The following PLCB1 variants were observed in gnomAD, a reference collection of about 807,000 sequenced individuals.
PLCB1 encodes phospholipase C beta 1, also known as 1-phosphatidylinositol 4,5-bisphosphate phosphodiesterase beta-1.
PLCB1 carries 46 observed loss-of-function variants against 161.8 expected under a neutral mutation model. That is an observed-to-expected ratio of 0.28 (90% CI 0.22 to 0.36). The LOEUF (loss-of-function observed/expected upper bound fraction) is 0.36, where lower values mean the gene tolerates loss of function less well. Among genes scored for constraint, PLCB1 ranks in the 10% least tolerant of loss-of-function variants. The pLI, the probability that PLCB1 is intolerant of heterozygous loss-of-function variation, is 1.00. For synonymous variants in PLCB1, 517 were observed against 503.7 expected, an observed-to-expected ratio of 1.03 and a Z score of -0.35; for missense variants, 1,016 against 1,472.5, an observed-to-expected ratio of 0.69 and a Z score of 5.07.
chr20:8,192,401 A>G (rs1294930834), intron 2 of PLCB1, among the ~76,000 whole-genome samples: 1 of 152,038 alleles, frequency 6.6e-6, no homozygotes, highest in Admixed American at 6.6e-5. Flanking sequence ...AACACTAAAG[A>G]ACAACATAAA....
chr20:8,883,878 A>G lies in PLCB1; in HGVS notation c.*2029A>G, dbSNP rs1988083453. 1.3e-5 allele frequency: 2 copies of G among 152,542 alleles called. No individual in the cohort carries two copies. The allele number at this position is 152,542 out of a possible 1,614,324, so 9.4% of individuals were successfully genotyped here. A position where few individuals can be genotyped will look rare whatever the true frequency, so the allele number is the denominator to read the frequency against. ...CTTTGAAAGAAAGGCGTTAATCATA[A>G]AGAAGCAAGAATGGTCAAAATCGAA... On this transcript the variant is annotated 3_prime_UTR_variant, in exon 32 of 32. Coordinates refer to ENST00000338037, the MANE Select transcript of PLCB1 (RefSeq NM_015192.4).
At chr20:8,256,074 T>C (rs1224136795) in intron 2 of PLCB1, among the ~76,000 whole-genome samples, 1 of 152,154 alleles carries the variant, frequency 6.6e-6, no homozygotes, top group Non-Finnish European at 1.5e-5. Context: ...TCTAGGTTTG[T>C]GTAAATACAC....
chr20:8,680,455 C>T (rs1990185388), intron 9 of PLCB1, among the ~76,000 whole-genome samples: 1 of 152,162 alleles, frequency 6.6e-6, no homozygotes, highest in Non-Finnish European at 1.5e-5. Context: ...ATTTTATTGG[C>T]TTTCCTTGAC....
chr20:8,624,373 A>G (rs62198915), intron 3 of PLCB1, among the ~76,000 whole-genome samples: 20,138 of 152,246 alleles, frequency 0.13, 1,646 homozygotes, highest in Non-Finnish European at 0.17. Flanking sequence ...TGAGTAAGGT[A>G]TATCTTCTGC....
chr20:8,463,760 A>T (rs1222441551), intron 3 of PLCB1, among the ~76,000 whole-genome samples: 1 of 152,186 alleles, frequency 6.6e-6, no homozygotes, highest in Non-Finnish European at 1.5e-5. Context: ...ATTCTCTTGA[A>T]TGATAAAATA....
intron 2 of PLCB1, among the ~76,000 whole-genome samples, chr20:8,231,936 A>G (rs1392012451): frequency 6.6e-6 from 1 of 152,166 alleles, no homozygotes; most frequent in Non-Finnish European, 1.5e-5. Context: ...AAATAGCTCT[A>G]TCTTATGTAA....
intron 3 of PLCB1, among the ~76,000 whole-genome samples, chr20:8,561,001 T>C (rs1986123016): frequency 6.6e-6 from 1 of 151,928 alleles, no homozygotes. Flanking sequence ...GTCAGCAGAA[T>C]TAAACTGCTC....
chr20:8,702,064 G>T (rs182372527), intron 11 of PLCB1, among the ~76,000 whole-genome samples: 1 of 152,166 alleles, frequency 6.6e-6, no homozygotes, highest in Non-Finnish European at 1.5e-5. Flanking sequence ...AAGCTTCTGT[G>T]TGATAGATCC....
intron 3 of PLCB1, among the ~76,000 whole-genome samples, chr20:8,542,271 A>C (rs1211119909): frequency 6.6e-6 from 1 of 152,150 alleles, no homozygotes; most frequent in Non-Finnish European, 1.5e-5. Context: ...CCTTTGTCTA[A>C]GCAGAAAGGG....
chr20:8,154,229 T>G lies in PLCB1; in HGVS notation c.177+3858T>G, dbSNP rs184546455. The stretch of plus-strand genomic sequence containing the variant: ...AGTTAGTACATGTGTGTCTATATCA[T>G]TCCGTTAAATTGGCCTATCTTAGGG... On this transcript the variant is annotated intron_variant, in intron 2 of 31. Coordinates refer to ENST00000338037, the MANE Select transcript of PLCB1 (RefSeq NM_015192.4). Among the ~76,000 whole-genome samples the G allele has an allele frequency of 1.1e-4, 17 of 152,324 alleles. No homozygotes were observed. The East Asian group carries it at 2.7e-3, about 24-fold the overall frequency.
Position 8,861,177 on chromosome 20 carries a change from G to A in PLCB1, c.3424-20445G>A, listed in dbSNP as rs562422265. 3.5e-4 allele frequency among the ~76,000 whole-genome samples: 53 copies of A among 152,204 alleles called. 1 individual carries two copies. The highest frequency in any genetic ancestry group is 1.2e-3 in the African/African-American group (49 of 41,516). ...CAGGTTATATGTCTTGATAAGTGGCGTTTCTACTTAAAAAATGTTGGTTGT... is the reference window on the plus strand; with the variant it reads ...CAGGTTATATGTCTTGATAAGTGGCATTTCTACTTAAAAAATGTTGGTTGT... On this transcript the variant is annotated intron_variant, in intron 31 of 31. Transcript: ENST00000338037.
intron 3 of PLCB1, among the ~76,000 whole-genome samples, chr20:8,511,591 A>G (rs1983895798): frequency 1.3e-5 from 2 of 152,154 alleles, no homozygotes; most frequent in Non-Finnish European, 2.9e-5. Flanking sequence ...TTTGAGGCAT[A>G]TCTATACTGT....
At chr20:8,171,495 A>G (rs949443790) in intron 2 of PLCB1, among the ~76,000 whole-genome samples, 1 of 152,068 alleles carries the variant, frequency 6.6e-6, no homozygotes, top group Non-Finnish European at 1.5e-5. Context: ...TCTGAACCCC[A>G]TCTGCCTGGG....
At chr20:8,371,756 T>C (rs1986911749) in intron 3 of PLCB1, 1 of 268,232 alleles carries the variant, frequency 3.7e-6, no homozygotes, top group African/African-American at 2.2e-5. Context: ...TTGAAATTAT[T>C]TGAAAAAATC....
intron 8 of PLCB1, among the ~76,000 whole-genome samples, 189 bp from the exon 9 acceptor site, chr20:8,658,349 A>G (rs995943000): frequency 3.3e-5 from 5 of 152,178 alleles, no homozygotes; most frequent in Admixed American, 6.6e-5. Context: ...CAATTGCACA[A>G]GATATTTGTA....
intron 31 of PLCB1, among the ~76,000 whole-genome samples, chr20:8,847,739 A>G (rs1986737779): frequency 6.6e-6 from 1 of 152,174 alleles, no homozygotes; most frequent in African/African-American, 2.4e-5. Flanking sequence ...ATAATTTACT[A>G]GAACAGCTCA....
At chr20:8,224,250 C>A (rs1451060699) in intron 2 of PLCB1, among the ~76,000 whole-genome samples, 1 of 152,070 alleles carries the variant, frequency 6.6e-6, no homozygotes, top group Non-Finnish European at 1.5e-5. Context: ...TTCTTAGCCA[C>A]CATTTCTTTT....
At chr20:8,778,091 A>G (rs1309146376) in intron 27 of PLCB1, among the ~76,000 whole-genome samples, 3 of 152,144 alleles carry the variant, frequency 2.0e-5, no homozygotes, top group Admixed American at 6.5e-5. Flanking sequence ...ATCACCGACT[A>G]TAATCATCTG....
chr20:8,704,626 G>C (rs758489603), intron 11 of PLCB1, among the ~76,000 whole-genome samples: 1 of 152,186 alleles, frequency 6.6e-6, no homozygotes, highest in Non-Finnish European at 1.5e-5. Flanking sequence ...CATTTATCCT[G>C]TCATCTGCTT....
Sources: gnomAD v4.1 joint callset for allele counts (sites outside exome capture counted in the v4.1 genomes callset) on GRCh38, gnomAD v4.1.1 for gene constraint, MANE v1.5 for transcripts, NCBI Gene and HGNC (gene_info 2026-07-23, HGNC 2026-07-21) for gene names.